KLF12: variants seen among roughly 807,000 people sequenced by gnomAD.
KLF12 encodes the protein Krueppel-like factor 12.
In KLF12, 9 loss-of-function variants were observed where a neutral mutation model predicts 37.8. The observed-to-expected ratio is 0.24, with a 90% CI of 0.14 to 0.42. The LOEUF is 0.42. Ranked by LOEUF, KLF12 falls within the 10% of genes least tolerant of loss-of-function variation. KLF12 has a pLI of 1.00. For missense variants in KLF12, 411 were observed against 516.0 expected (o/e 0.80, Z 1.97); for synonymous variants, 208 against 202.1 (o/e 1.03, Z -0.25).
chr13:73,734,955 T>C (rs7998483), intron 6 of KLF12, among the ~76,000 whole-genome samples: 51,743 of 151,644 alleles, frequency 0.34, 9,478 homozygotes, highest in African/African-American at 0.46. Context: ...CTCAACAGTT[T>C]GGAGGCCACA....
chr13:74,216,067 T>C, the KLF12 span, among the ~76,000 whole-genome samples: 561 of 152,258 alleles, frequency 3.7e-3, 4 homozygotes, highest in Non-Finnish European at 5.2e-3. Flanking sequence ...CACATTCAGG[T>C]AATGAGCCCA....
At chr13:73,955,472 C>T (rs1353479514) in intron 2 of KLF12, among the ~76,000 whole-genome samples, 1 of 152,062 alleles carries the variant, frequency 6.6e-6, no homozygotes, top group Non-Finnish European at 1.5e-5. Context: ...ATTATTTTAT[C>T]TGTTTAAAAC....
intron 3 of KLF12, among the ~76,000 whole-genome samples, chr13:73,914,237 C>T (rs959655888): frequency 6.6e-6 from 1 of 152,186 alleles, no homozygotes; most frequent in African/African-American, 2.4e-5. Flanking sequence ...CCGGGTTTAC[C>T]ACCTCTGAGA....
At position 73,687,161 on chromosome 13, in the gene KLF12, T is replaced by C. The variant is rs778923335; in HGVS notation, c.*8329A>G. On this transcript the variant is annotated 3_prime_UTR_variant, in exon 8 of 8. Transcript: ENST00000377669. ...ACATGAATTTGCTGGTTTCTCTTTT[T>C]TTAAATGAGCATGTTATGATACACA... 3 of 152,662 alleles carry C rather than the reference T, an allele frequency of 2.0e-5. No homozygotes were observed. The highest frequency in any genetic ancestry group is 2.9e-5 in the Non-Finnish European group (2 of 68,042). 9.5% of individuals were successfully genotyped at this position (152,662 alleles called of 1,614,324 possible). A position where few individuals can be genotyped will look rare whatever the true frequency, so the allele number is the denominator to read the frequency against.
chr13:73,867,404 A>ATG, intron 3 of KLF12, among the ~76,000 whole-genome samples: 1 of 144,396 alleles, frequency 6.9e-6, no homozygotes, highest in East Asian at 2.6e-4. Context: ...ATACATATAT[A>ATG]CGTGTGTGTG....
At chr13:74,182,761 T>G in the KLF12 span, among the ~76,000 whole-genome samples, 1 of 152,168 alleles carries the variant, frequency 6.6e-6, no homozygotes, top group Admixed American at 6.5e-5. Flanking sequence ...CACAAAACAT[T>G]AACAACATTA....
At chr13:73,750,268 G>A (rs1003370896) in intron 6 of KLF12, among the ~76,000 whole-genome samples, 1 of 152,200 alleles carries the variant, frequency 6.6e-6, no homozygotes, top group African/African-American at 2.4e-5. Flanking sequence ...ACCAAAGTCA[G>A]GCGGCAGAAG....
At chr13:73,997,378 T>G (rs1255830325) in intron 1 of KLF12, among the ~76,000 whole-genome samples, 3 of 152,212 alleles carry the variant, frequency 2.0e-5, no homozygotes, top group African/African-American at 7.2e-5. Flanking sequence ...CTAATTGCAG[T>G]AATGTTTATA....
intron 4 of KLF12, among the ~76,000 whole-genome samples, chr13:73,826,422 C>T (rs1191392814): frequency 2.6e-5 from 4 of 152,180 alleles, no homozygotes; most frequent in East Asian, 1.9e-4. Flanking sequence ...CTTGCTCCCT[C>T]ATTAACTCGC....
At chr13:73,915,147 T>C (rs890272090) in intron 3 of KLF12, among the ~76,000 whole-genome samples, 2 of 152,152 alleles carry the variant, frequency 1.3e-5, no homozygotes, top group African/African-American at 4.8e-5. Context: ...CACTCCAATT[T>C]CTGTTCCATC....
intron 1 of KLF12, among the ~76,000 whole-genome samples, chr13:74,057,566 T>G (rs924445817): frequency 3.3e-5 from 5 of 152,194 alleles, no homozygotes; most frequent in Middle Eastern, 3.2e-3. Context: ...TATCAATCAG[T>G]CACTTCCACC....
chr13:74,200,848 T>C, the KLF12 span, among the ~76,000 whole-genome samples: 1 of 152,150 alleles, frequency 6.6e-6, no homozygotes, highest in Non-Finnish European at 1.5e-5. Flanking sequence ...GGCGTATTAG[T>C]ATTGTCCTTA....
At chr13:74,287,389 A>AGAGAGAGAGAGAGGGAGG in the KLF12 span, among the ~76,000 whole-genome samples, 1 of 150,646 alleles carries the variant, frequency 6.6e-6, no homozygotes, top group African/African-American at 2.5e-5. Context: ...AGAGAGAGAG[A>AGAGAGAGAGAGAGGGAGG]GAGAGAATCC....
At chr13:73,980,466 C>T (rs1378799870) in intron 2 of KLF12, among the ~76,000 whole-genome samples, 1 of 151,950 alleles carries the variant, frequency 6.6e-6, no homozygotes, top group South Asian at 2.1e-4. Flanking sequence ...AAACATATCC[C>T]AGTGGGATAT....
chr13:74,152,873 G>C, the KLF12 span, among the ~76,000 whole-genome samples: 3 of 144,506 alleles, frequency 2.1e-5, no homozygotes, highest in African/African-American at 5.3e-5. Flanking sequence ...GACAGAGTGA[G>C]ACCCCATTAC....
intron 1 of KLF12, among the ~76,000 whole-genome samples, chr13:74,027,728 T>G (rs1893013120): frequency 1.3e-5 from 2 of 152,202 alleles, no homozygotes; most frequent in Non-Finnish European, 2.9e-5. Flanking sequence ...GGAAATACAT[T>G]TTAAAGTTTT....
intron 4 of KLF12, among the ~76,000 whole-genome samples, chr13:73,823,396 G>C (rs1236807098): frequency 6.6e-6 from 1 of 152,148 alleles, no homozygotes; most frequent in Non-Finnish European, 1.5e-5. Flanking sequence ...TAGTTTCAAA[G>C]TTGAAAAGTT....
chr13:73,921,287 T>C (rs1215635472), intron 3 of KLF12, among the ~76,000 whole-genome samples: 1 of 152,210 alleles, frequency 6.6e-6, no homozygotes, highest in Non-Finnish European at 1.5e-5. Flanking sequence ...ATCTGTTTAC[T>C]GTCAGATTCT....
At chr13:73,838,955 C>G (rs1046403497) in intron 4 of KLF12, among the ~76,000 whole-genome samples, 5 of 152,184 alleles carry the variant, frequency 3.3e-5, no homozygotes, top group African/African-American at 1.2e-4. Context: ...TTGAAAGCCA[C>G]TGATCAATCA....
Sources: gnomAD v4.1 joint callset for allele counts (sites outside exome capture counted in the v4.1 genomes callset) on GRCh38, gnomAD v4.1.1 for gene constraint, MANE v1.5 for transcripts, NCBI Gene and HGNC (gene_info 2026-07-23, HGNC 2026-07-21) for gene names.